The following CDH4 variants were observed in gnomAD, a reference collection of about 807,000 sequenced individuals.
The protein encoded by CDH4 is cadherin-4.
A neutral mutation model predicts 86.0 loss-of-function variants in CDH4; 33 were observed. The ratio of observed to expected loss-of-function variants is 0.38; its 90% CI spans 0.29 to 0.51. The LOEUF is 0.51. Among genes scored for constraint, CDH4 ranks in the 20% least tolerant of loss-of-function variants. The probability of loss-of-function intolerance (pLI) is 0.86; values close to 1 mark genes in which losing one functional copy is unlikely to be tolerated. For missense variants in CDH4, 1,114 were observed against 1,307.4 expected (o/e 0.85, Z 2.28); for synonymous variants, 555 against 549.4 (o/e 1.01, Z -0.14).
intron 2 of CDH4, among the ~76,000 whole-genome samples, chr20:61,723,136 C>A (rs945690567): frequency 4.6e-5 from 7 of 152,234 alleles, no homozygotes; most frequent in Admixed American, 1.3e-4. Context: ...GTGTCCCCGA[C>A]TCCCAGAGGA....
intron 2 of CDH4, among the ~76,000 whole-genome samples, chr20:61,593,740 G>C (rs1400332651): frequency 6.6e-6 from 1 of 152,006 alleles, no homozygotes; most frequent in Non-Finnish European, 1.5e-5. Context: ...GAAGTCTCTT[G>C]AAGCAACATC....
At chr20:61,295,522 G>T (rs1276604110) in intron 2 of CDH4, among the ~76,000 whole-genome samples, 1 of 152,170 alleles carries the variant, frequency 6.6e-6, no homozygotes, top group Non-Finnish European at 1.5e-5. Flanking sequence ...AGCAATGGCC[G>T]CAAACTCCCT....
At chr20:61,738,417 C>G (rs1010091904) in intron 2 of CDH4, 8 of 152,086 alleles carry the variant, frequency 5.3e-5, no homozygotes, top group African/African-American at 1.9e-4. Context: ...TGCATTTCCT[C>G]ACAGGTGTTT....
chr20:61,933,709 A>ACG, intron 14 of CDH4, among the ~76,000 whole-genome samples: 1 of 146,482 alleles, frequency 6.8e-6, no homozygotes, highest in Admixed American at 6.7e-5. Flanking sequence ...ACCATAACGA[A>ACG]TGTGAGGCAT....
intron 2 of CDH4, among the ~76,000 whole-genome samples, chr20:61,293,496 T>A (rs1429183679): frequency 6.6e-6 from 1 of 152,096 alleles, no homozygotes; most frequent in Non-Finnish European, 1.5e-5. Flanking sequence ...CAACCAACAC[T>A]TGTTGAGCGC....
intron 2 of CDH4, among the ~76,000 whole-genome samples, chr20:61,450,071 G>A (rs1009580280): frequency 1.3e-5 from 2 of 152,130 alleles, no homozygotes; most frequent in Non-Finnish European, 2.9e-5. Context: ...GAAACTTGAG[G>A]GTATGTTAAT....
rs567633418 is a variant in CDH4, at chr20:61,848,318, C to T, written c.732+3495C>T. Among the ~76,000 whole-genome samples, 10 of 152,190 alleles carry T rather than the reference C, an allele frequency of 6.6e-5. 1 individual carries two copies. Among genetic ancestry groups the T allele is most frequent in the African/African-American group, 2.2e-4 (9 of 41,578 alleles). ...CAGGCCCACCTGCCCCAGCCACCCACGTGGCTTGCCAGTGCGCAGACACTT... is the reference window on the plus strand; with the variant it reads ...CAGGCCCACCTGCCCCAGCCACCCATGTGGCTTGCCAGTGCGCAGACACTT... On this transcript the variant is annotated intron_variant, in intron 5 of 15. Coordinates refer to ENST00000614565, the MANE Select transcript of CDH4 (RefSeq NM_001794.5).
chr20:61,768,934 C>A (rs905405850), intron 3 of CDH4, among the ~76,000 whole-genome samples: 2 of 152,176 alleles, frequency 1.3e-5, no homozygotes, highest in Non-Finnish European at 2.9e-5. Flanking sequence ...CCCTTTAAAA[C>A]TCAGAGTCTG....
chr20:61,783,016 T>C (rs1978630137), intron 4 of CDH4, among the ~76,000 whole-genome samples: 1 of 151,920 alleles, frequency 6.6e-6, no homozygotes. Flanking sequence ...ACCCCGGAGG[T>C]AGAGGTTGCA....
intron 10 of CDH4, 144 bp from the exon 11 acceptor site, chr20:61,924,187 AGAG>A (rs2055018782): frequency 1.3e-6 from 1 of 783,364 alleles, no homozygotes; most frequent in African/African-American, 1.7e-5. Context: ...GGGAAGCCCT[AGAG>A]GAGGACAAGG....
At chr20:61,336,268 G>A (rs773349397) in intron 2 of CDH4, among the ~76,000 whole-genome samples, 1 of 152,088 alleles carries the variant, frequency 6.6e-6, no homozygotes, top group Non-Finnish European at 1.5e-5. Context: ...ATACAGTGGG[G>A]ATATTTTGAA....
rs576300216 is a variant in CDH4 at position 61,808,144 on chromosome 20, G to A, written c.576+34962G>A. The stretch of plus-strand genomic sequence containing the variant: ...TGAGCACTGGGCCCCCACAGCCTGG[G>A]GAAGGCTGCGGGGGCCCAGAACCGT... On this transcript the variant is annotated intron_variant, in intron 4 of 15. Transcript: ENST00000614565. Among the ~76,000 whole-genome samples the A allele has an allele frequency of 2.0e-5, 3 of 152,010 alleles. No individual in the cohort carries two copies. In the South Asian group the frequency reaches 6.3e-4, roughly 32 times the overall value.
At chr20:61,513,033 A>G (rs2085791700) in intron 2 of CDH4, among the ~76,000 whole-genome samples, 1 of 152,162 alleles carries the variant, frequency 6.6e-6, no homozygotes, top group Non-Finnish European at 1.5e-5. Flanking sequence ...CTAACTGCAA[A>G]GTGTATGAAG....
chr20:61,331,305 A>T (rs1191301242), intron 2 of CDH4, among the ~76,000 whole-genome samples: 2 of 151,882 alleles, frequency 1.3e-5, no homozygotes, highest in African/African-American at 4.8e-5. Flanking sequence ...AGTCCTCCCC[A>T]TGGTGGTCAG....
rs899414301 is a variant in CDH4 at position 61,416,040 on chromosome 20, C to T, written c.169+161103C>T. ...TTTTTTTTTTTCCCCGAAACAGAGT[C>T]TTGCTCTGTCACCCAAGCTGGCACG... On this transcript the variant is annotated intron_variant, in intron 2 of 15. Coordinates refer to ENST00000614565, the MANE Select transcript of CDH4 (RefSeq NM_001794.5). 1.6e-3 allele frequency among the ~76,000 whole-genome samples: 215 copies of T among 134,882 alleles called. 2 individuals carry two copies. The highest frequency in any genetic ancestry group is 5.9e-3 in the African/African-American group (206 of 35,116). The allele number at this position is 134,882 out of a possible 152,430, so 88.5% of individuals were successfully genotyped here. A position where few individuals can be genotyped will look rare whatever the true frequency, so the allele number is the denominator to read the frequency against.
At chr20:61,658,422 C>T (rs375419951) in intron 2 of CDH4, among the ~76,000 whole-genome samples, 11 of 152,202 alleles carry the variant, frequency 7.2e-5, no homozygotes, top group Admixed American at 2.0e-4. Flanking sequence ...CCTCTGAGCT[C>T]GCAGGTGCCC....
At chr20:61,672,445 G>C (rs942521172) in intron 2 of CDH4, among the ~76,000 whole-genome samples, 2 of 152,204 alleles carry the variant, frequency 1.3e-5, no homozygotes, top group Admixed American at 6.5e-5. Flanking sequence ...CGCAAAGTCA[G>C]ACACACAGAC....
At chr20:61,746,099 A>G (rs1329994534) in intron 3 of CDH4, among the ~76,000 whole-genome samples, 1 of 152,124 alleles carries the variant, frequency 6.6e-6, no homozygotes, top group Non-Finnish European at 1.5e-5. Context: ...CAGGCAGCAG[A>G]GCGTGCCTCT....
At chr20:61,772,886 G>C (rs144562973) in intron 3 of CDH4, 117 bp from the exon 4 acceptor site, 6 of 811,326 alleles carry the variant, frequency 7.4e-6, no homozygotes, top group African/African-American at 1.8e-5. Flanking sequence ...TTGTCCCAGC[G>C]TTACCCGCCT....
Sources: gnomAD v4.1 joint callset for allele counts (sites outside exome capture counted in the v4.1 genomes callset) on GRCh38, gnomAD v4.1.1 for gene constraint, MANE v1.5 for transcripts, NCBI Gene and HGNC (gene_info 2026-07-23, HGNC 2026-07-21) for gene names.